The following ASTN2 variants were observed in gnomAD, a reference collection of about 807,000 sequenced individuals.
ASTN2 encodes the protein astrotactin-2.
A neutral mutation model predicts 139.8 loss-of-function variants in ASTN2; 54 were observed. That is an observed-to-expected ratio of 0.39 (90% CI 0.31 to 0.48). ASTN2 has a LOEUF of 0.48. Ranked by LOEUF, ASTN2 falls within the 20% of genes least tolerant of loss-of-function variation. ASTN2 has a pLI of 0.95. For missense variants in ASTN2, 1,565 were observed against 1,725.1 expected (o/e 0.91, Z 1.64); for synonymous variants, 756 against 719.5 (o/e 1.05, Z -0.81).
intron 6 of ASTN2, among the ~76,000 whole-genome samples, chr9:117,038,583 C>G (rs538322010): frequency 3.3e-5 from 5 of 152,208 alleles, no homozygotes; most frequent in African/African-American, 1.2e-4. Flanking sequence ...TATCTTCAAA[C>G]TCATCGAGAC....
intron 19 of ASTN2, chr9:116,550,950 G>A (rs1852315102): frequency 6.6e-6 from 1 of 152,250 alleles, no homozygotes; most frequent in African/African-American, 2.4e-5. Flanking sequence ...GAAGCCGCAT[G>A]TACTCAGGGA....
At chr9:117,377,012 G>A (rs1490108483) in intron 1 of ASTN2, among the ~76,000 whole-genome samples, 3 of 152,124 alleles carry the variant, frequency 2.0e-5, no homozygotes, top group African/African-American at 7.2e-5. Flanking sequence ...GCAGACAAAC[G>A]AAGGAAGGCA....
At chr9:117,219,265 C>A (rs968581562) in intron 2 of ASTN2, among the ~76,000 whole-genome samples, 4 of 152,134 alleles carry the variant, frequency 2.6e-5, no homozygotes, top group African/African-American at 9.7e-5. Context: ...GCTTCCCACA[C>A]CAGAGGTAAG....
At chr9:117,354,486 T>C (rs1829480759) in intron 1 of ASTN2, among the ~76,000 whole-genome samples, 1 of 152,182 alleles carries the variant, frequency 6.6e-6, no homozygotes, top group Non-Finnish European at 1.5e-5. Context: ...TCCCCCTTTT[T>C]GAATACTTTC....
chr9:116,628,557 T>A (rs930625403), intron 17 of ASTN2, among the ~76,000 whole-genome samples: 1 of 151,994 alleles, frequency 6.6e-6, no homozygotes, highest in Non-Finnish European at 1.5e-5. Context: ...GGATCCGTGG[T>A]TTCCAGAGGT....
chr9:116,445,670 T>C (rs1847965926), intron 20 of ASTN2, among the ~76,000 whole-genome samples: 1 of 152,204 alleles, frequency 6.6e-6, no homozygotes, highest in Admixed American at 6.5e-5. Context: ...AATTGCTGGC[T>C]GAATATTCTT....
rs548826268 is a variant in ASTN2 at position 116,433,883 on chromosome 9, G to T, written c.3782+6726C>A. ...TTTGCTTTCTCTTTTCATCCACTCA[G>T]AAGAAATCATAAGACTTTTCAAAAA... On this transcript the variant is annotated intron_variant, in intron 22 of 22. Coordinates refer to ENST00000313400, the MANE Select transcript of ASTN2 (RefSeq NM_001365068.1). 1.1e-3 allele frequency among the ~76,000 whole-genome samples: 161 copies of T among 152,268 alleles called. 1 individual carries two copies. The Middle Eastern group carries it at 0.02, about 19-fold the overall frequency.
chr9:117,193,957 G>A (rs1831420557), intron 3 of ASTN2, among the ~76,000 whole-genome samples: 1 of 132,036 alleles, frequency 7.6e-6, no homozygotes, highest in Non-Finnish European at 1.7e-5. Context: ...GCAGAGGGCA[G>A]GGTGTTGTTG....
intron 21 of ASTN2, 82 bp downstream of exon 21, chr9:116,442,371 G>GAC: frequency 9.2e-7 from 1 of 1,082,692 alleles, no homozygotes. Context: ...GCGTGTGTGT[G>GAC]TTTAATGATT....
intron 1 of ASTN2, among the ~76,000 whole-genome samples, chr9:117,347,360 C>A (rs933448046): frequency 7.9e-5 from 12 of 152,148 alleles, no homozygotes; most frequent in African/African-American, 2.4e-4. Flanking sequence ...TTTAGTCTCT[C>A]ATTTGCTCTC....
intron 2 of ASTN2, among the ~76,000 whole-genome samples, chr9:117,244,427 C>T (rs779692393): frequency 6.6e-5 from 10 of 152,160 alleles, no homozygotes; most frequent in East Asian, 1.9e-4. Context: ...TCTCTCCCTT[C>T]CTGTTGTTTG....
intron 19 of ASTN2, among the ~76,000 whole-genome samples, chr9:116,556,152 T>C (rs987378604): frequency 1.3e-5 from 2 of 152,148 alleles, no homozygotes; most frequent in African/African-American, 4.8e-5. Context: ...TATGAATAAA[T>C]AATTGGAATG....
rs1292483949 is a variant in ASTN2 at position 116,452,701 on chromosome 9, C to G, written c.3498-10148G>C. Among the ~76,000 whole-genome samples the G allele has an allele frequency of 2.0e-5, 3 of 152,130 alleles. 1 individual carries two copies. The East Asian group carries it at 5.8e-4, about 29-fold the overall frequency. ...AGATATAGTAGTAGTTTAGCCAGGC[C>G]CCAACATAGGTCTACTTACTCAAAG... On this transcript the variant is annotated intron_variant, in intron 20 of 22. Transcript: ENST00000313400.
chr9:116,786,897 T>C (rs562378067), intron 13 of ASTN2, among the ~76,000 whole-genome samples: 1 of 152,218 alleles, frequency 6.6e-6, no homozygotes, highest in African/African-American at 2.4e-5. Context: ...ATTTCCCCCA[T>C]CCTGTTCTCA....
At chr9:116,880,063 A>G (rs987571068) in intron 10 of ASTN2, among the ~76,000 whole-genome samples, 18 of 152,234 alleles carry the variant, frequency 1.2e-4, no homozygotes, top group Admixed American at 1.1e-3. Context: ...AATAATAACC[A>G]TAAATTCAAA....
intron 19 of ASTN2, among the ~76,000 whole-genome samples, chr9:116,495,126 C>T (rs1221921321): frequency 6.6e-6 from 1 of 152,096 alleles, no homozygotes; most frequent in East Asian, 1.9e-4. Context: ...AAGATAAGGG[C>T]TCCAAAAAAA....
At chr9:116,740,596 T>C (rs1225010618) in intron 13 of ASTN2, among the ~76,000 whole-genome samples, 31 of 152,046 alleles carry the variant, frequency 2.0e-4, no homozygotes, top group Admixed American at 2.0e-3. Context: ...CACTGCAAGC[T>C]CCGCCTCCCG....
chr9:116,624,784 TC>T (rs1856356479), intron 17 of ASTN2, among the ~76,000 whole-genome samples: 1 of 152,122 alleles, frequency 6.6e-6, no homozygotes, highest in South Asian at 2.1e-4. Flanking sequence ...CTAATGGATT[TC>T]ATCTCCACGG....
chr9:117,372,994 T>C (rs1457451647), intron 1 of ASTN2, among the ~76,000 whole-genome samples: 1 of 152,132 alleles, frequency 6.6e-6, no homozygotes, highest in Non-Finnish European at 1.5e-5. Flanking sequence ...TGAGACTCAG[T>C]TTTCTCATTT....
Sources: gnomAD v4.1 joint callset for allele counts (sites outside exome capture counted in the v4.1 genomes callset) on GRCh38, gnomAD v4.1.1 for gene constraint, MANE v1.5 for transcripts, NCBI Gene and HGNC (gene_info 2026-07-23, HGNC 2026-07-21) for gene names.